HYCC1: variants seen among roughly 807,000 people sequenced by gnomAD.
HYCC1 encodes the protein hyccin.
the HYCC1 span, among the ~76,000 whole-genome samples, chr7:22,989,285 AACACACACAC>A: frequency 3.8e-4 from 57 of 148,692 alleles, no homozygotes; most frequent in African/African-American, 1.1e-3. Context: ...ACAAGCAGGA[AACACACACAC>A]ACACACACAC....
At chr7:22,991,191 C>A in the HYCC1 span, 1 of 1,200,512 alleles carries the variant, frequency 8.3e-7, no homozygotes, top group South Asian at 1.2e-5. Context: ...TTTATTTAGT[C>A]AGATTACTAT....
At chr7:22,915,089 C>T in the HYCC1 span, among the ~76,000 whole-genome samples, 61 of 152,256 alleles carry the variant, frequency 4.0e-4, no homozygotes, top group South Asian at 1.7e-3. Flanking sequence ...AACCCTTAGA[C>T]GCTTTACCAC....
At chr7:22,969,161 A>T in the HYCC1 span, among the ~76,000 whole-genome samples, 1 of 152,060 alleles carries the variant, frequency 6.6e-6, no homozygotes, top group Non-Finnish European at 1.5e-5. Flanking sequence ...GCTGACCCTG[A>T]GGCCAGTTCT....
chr7:22,993,059 T>C, the HYCC1 span, among the ~76,000 whole-genome samples: 2 of 152,006 alleles, frequency 1.3e-5, no homozygotes, highest in East Asian at 1.9e-4. Context: ...TGGAACAGAA[T>C]AGAGTGGCCA....
the HYCC1 span, among the ~76,000 whole-genome samples, chr7:22,913,753 A>C: frequency 6.6e-6 from 1 of 152,072 alleles, no homozygotes; most frequent in Non-Finnish European, 1.5e-5. Context: ...CAGCCCACCT[A>C]CACCTAGGTG....
chr7:22,920,879 G>A, the HYCC1 span, among the ~76,000 whole-genome samples: 1 of 152,246 alleles, frequency 6.6e-6, no homozygotes. Context: ...CCATCCCCAT[G>A]GTGATGAGTT....
the HYCC1 span, among the ~76,000 whole-genome samples, chr7:22,921,341 TAACTC>T: frequency 1.3e-5 from 2 of 152,156 alleles, no homozygotes; most frequent in Non-Finnish European, 2.9e-5. Flanking sequence ...TACCAGATGG[TAACTC>T]AAACACACAA....
chr7:22,951,594 A>G, the HYCC1 span, among the ~76,000 whole-genome samples: 2 of 151,856 alleles, frequency 1.3e-5, no homozygotes, highest in Non-Finnish European at 2.9e-5. Flanking sequence ...ATCCTTTAAT[A>G]TAGTCATTTT....
At chr7:22,957,282 T>G in the HYCC1 span, among the ~76,000 whole-genome samples, 2 of 140,498 alleles carry the variant, frequency 1.4e-5, no homozygotes, top group African/African-American at 2.7e-5. Flanking sequence ...ACGTATATTC[T>G]TTTATGGTAA....
At chr7:22,897,754 C>G in the HYCC1 span, among the ~76,000 whole-genome samples, 1 of 151,744 alleles carries the variant, frequency 6.6e-6, no homozygotes, top group African/African-American at 2.4e-5. Context: ...TACAGGTGCT[C>G]GCTACCACAC....
At chr7:22,898,393 T>A in the HYCC1 span, among the ~76,000 whole-genome samples, 1 of 151,720 alleles carries the variant, frequency 6.6e-6, no homozygotes, top group South Asian at 2.1e-4. Context: ...TTTGTATTTT[T>A]AGTAGAGATG....
the HYCC1 span, among the ~76,000 whole-genome samples, chr7:23,001,791 G>A: frequency 1.3e-5 from 2 of 152,034 alleles, no homozygotes; most frequent in African/African-American, 4.8e-5. Context: ...CCAAAAACAT[G>A]GGTGTGACTG....
chr7:22,979,112 T>C, the HYCC1 span, among the ~76,000 whole-genome samples: 3 of 152,150 alleles, frequency 2.0e-5, no homozygotes. Flanking sequence ...ATTATATATA[T>C]CCAATGAACT....
chr7:22,991,196 T>G, the HYCC1 span: 4 of 1,133,776 alleles, frequency 3.5e-6, no homozygotes, highest in Non-Finnish European at 2.7e-6. Context: ...TTAGTCAGAT[T>G]ACTATGAACA....
At chr7:22,921,386 G>T in the HYCC1 span, among the ~76,000 whole-genome samples, 1 of 152,164 alleles carries the variant, frequency 6.6e-6, no homozygotes, top group African/African-American at 2.4e-5. Flanking sequence ...AGGTAAAGAA[G>T]AAGTTAAATA....
the HYCC1 span, chr7:22,936,289 G>A: frequency 0.27 from 41,773 of 151,914 alleles, 5,978 homozygotes; most frequent in Non-Finnish European, 0.32. Flanking sequence ...CTCAGATGTT[G>A]TATCTTAGGA....
the HYCC1 span, chr7:22,945,554 G>T: frequency 6.8e-7 from 1 of 1,476,456 alleles, no homozygotes. Context: ...GTATTTCCAG[G>T]TTCACTAGGT....
At chr7:22,935,138 A>G in the HYCC1 span, 1 of 152,228 alleles carries the variant, frequency 6.6e-6, no homozygotes. Flanking sequence ...AAGTTCTTCA[A>G]TGGCTTCAAA....
At chr7:22,984,748 CG>C in the HYCC1 span, among the ~76,000 whole-genome samples, 293 of 152,234 alleles carry the variant, frequency 1.9e-3, 2 homozygotes, top group African/African-American at 6.4e-3. Flanking sequence ...CATACTCTGA[CG>C]GTTGAGCATG....
Sources: allele counts gnomAD v4.1 joint callset (sites outside exome capture counted in the v4.1 genomes callset), GRCh38; gene constraint gnomAD v4.1.1; transcripts MANE v1.5; gene names NCBI Gene and HGNC (gene_info 2026-07-23, HGNC 2026-07-21).